The following SLC25A21 variants were observed in gnomAD, a reference collection of about 807,000 sequenced individuals.
SLC25A21 encodes the protein mitochondrial 2-oxodicarboxylate carrier.
A neutral mutation model predicts 43.8 loss-of-function variants in SLC25A21; 47 were observed. That is an observed-to-expected ratio of 1.07 (90% CI 0.85 to 1.37). The LOEUF (loss-of-function observed/expected upper bound fraction) is 1.37, where lower values mean the gene tolerates loss of function less well. Among genes scored for constraint, SLC25A21 ranks in the 40% most tolerant of loss-of-function variants. The pLI is 0.00. For missense variants in SLC25A21, 352 were observed against 350.2 expected (o/e 1.00, Z -0.04); for synonymous variants, 131 against 121.3 (o/e 1.08, Z -0.52).
chr14:36,990,159 G>T (rs1381584209), intron 1 of SLC25A21, among the ~76,000 whole-genome samples: 2 of 152,144 alleles, frequency 1.3e-5, no homozygotes, highest in Non-Finnish European at 2.9e-5. Context: ...AGTGGAATCT[G>T]CCACCTGAGA....
chr14:36,823,639 G>C (rs1018100565), intron 2 of SLC25A21, among the ~76,000 whole-genome samples: 1 of 152,120 alleles, frequency 6.6e-6, no homozygotes, highest in Non-Finnish European at 1.5e-5. Flanking sequence ...AATGAGAATA[G>C]AGAGGATCAC....
At chr14:37,145,476 C>CACACAGAG (rs780734735) in intron 1 of SLC25A21, among the ~76,000 whole-genome samples, 22,333 of 143,344 alleles carry the variant, frequency 0.16, 1,977 homozygotes, top group South Asian at 0.21. Flanking sequence ...CACACACACA[C>CACACAGAG]AGAGAGATGA....
intron 1 of SLC25A21, among the ~76,000 whole-genome samples, chr14:36,963,687 T>C (rs1959549477): frequency 6.6e-6 from 1 of 152,132 alleles, no homozygotes; most frequent in African/African-American, 2.4e-5. Flanking sequence ...AGTGCATCTA[T>C]CCTTACTTAG....
intron 1 of SLC25A21, among the ~76,000 whole-genome samples, chr14:37,153,766 C>T (rs74047222): frequency 0.012 from 1,872 of 152,296 alleles, 37 homozygotes; most frequent in African/African-American, 0.043. Context: ...ACAAGCCCCA[C>T]GAGCCTAGCT....
intron 1 of SLC25A21, among the ~76,000 whole-genome samples, chr14:37,098,740 G>A (rs1336423660): frequency 1.5e-4 from 1 of 6,754 alleles, no homozygotes; most frequent in African/African-American, 1.7e-4. Flanking sequence ...TAGATAGATA[G>A]ATAGATAGAC....
At chr14:37,013,171 A>T (rs931098349) in intron 1 of SLC25A21, among the ~76,000 whole-genome samples, 4 of 152,218 alleles carry the variant, frequency 2.6e-5, no homozygotes, top group African/African-American at 9.6e-5. Flanking sequence ...TGTGAAATAG[A>T]ACACCAGGCT....
intron 2 of SLC25A21, among the ~76,000 whole-genome samples, chr14:36,841,228 T>A (rs1278932834): frequency 6.6e-6 from 1 of 152,194 alleles, no homozygotes; most frequent in Non-Finnish European, 1.5e-5. Flanking sequence ...ATCTACCAAG[T>A]ATGTTCCAAC....
At chr14:36,933,724 C>T (rs1474431834) in intron 1 of SLC25A21, among the ~76,000 whole-genome samples, 1 of 152,120 alleles carries the variant, frequency 6.6e-6, no homozygotes, top group Non-Finnish European at 1.5e-5. Context: ...CCTCCTCCAG[C>T]CCCAGGATAG....
chr14:36,774,827 G>A (rs1167463298), intron 3 of SLC25A21, among the ~76,000 whole-genome samples: 3 of 152,066 alleles, frequency 2.0e-5, no homozygotes, highest in South Asian at 2.1e-4. Flanking sequence ...ATAAGGACTC[G>A]GATTTCTTAC....
chr14:36,769,813 C>A (rs369684471), intron 3 of SLC25A21, among the ~76,000 whole-genome samples: 3 of 152,178 alleles, frequency 2.0e-5, no homozygotes, highest in Non-Finnish European at 2.9e-5. Context: ...AATGTCATTT[C>A]TATTTTTACA....
intron 1 of SLC25A21, among the ~76,000 whole-genome samples, chr14:37,059,138 C>T (rs1961891446): frequency 6.6e-6 from 1 of 152,210 alleles, no homozygotes; most frequent in African/African-American, 2.4e-5. Context: ...ACACAAGTGC[C>T]TTCCACAAGA....
chr14:37,153,607 C>T (rs8014115), intron 1 of SLC25A21, among the ~76,000 whole-genome samples: 5,203 of 152,268 alleles, frequency 0.034, 296 homozygotes, highest in African/African-American at 0.12. Context: ...CGTGCATTCC[C>T]TACCCACTGG....
At chr14:37,130,530 G>A (rs866137410) in intron 1 of SLC25A21, among the ~76,000 whole-genome samples, 1 of 151,496 alleles carries the variant, frequency 6.6e-6, no homozygotes, top group South Asian at 2.1e-4. Flanking sequence ...ATAATGCTTA[G>A]AGCATAAATA....
intron 1 of SLC25A21, among the ~76,000 whole-genome samples, chr14:37,150,960 C>CATA (rs1216463121): frequency 1.1e-4 from 17 of 152,080 alleles, no homozygotes; most frequent in Admixed American, 1.1e-3. Flanking sequence ...TCTGATTTGG[C>CATA]ATACTTGATG....
intron 2 of SLC25A21, among the ~76,000 whole-genome samples, chr14:36,816,096 A>G (rs548409927): frequency 6.6e-6 from 1 of 152,302 alleles, no homozygotes; most frequent in South Asian, 2.1e-4. Flanking sequence ...AGTTGGGCAT[A>G]TGGGCAGAGT....
intron 7 of SLC25A21, among the ~76,000 whole-genome samples, chr14:36,709,579 A>G (rs1025466613): frequency 2.6e-5 from 4 of 152,226 alleles, no homozygotes; most frequent in African/African-American, 7.2e-5. Context: ...CCAAAAAAAC[A>G]TAAGCTTCTA....
intron 3 of SLC25A21, among the ~76,000 whole-genome samples, chr14:36,749,290 T>C (rs1265782487): frequency 6.6e-6 from 1 of 152,224 alleles, no homozygotes; most frequent in Non-Finnish European, 1.5e-5. Context: ...AAGTATTTTA[T>C]TTTTATCATC....
At chr14:36,813,748 TTA>T (rs541580408) in intron 3 of SLC25A21, among the ~76,000 whole-genome samples, 168 bp downstream of exon 3, 2 of 152,088 alleles carry the variant, frequency 1.3e-5, no homozygotes, top group Admixed American at 1.3e-4. Context: ...GTAGTTTCCA[TTA>T]TATATATATC....
chr14:36,805,899 T>G (rs1394056382), intron 3 of SLC25A21, among the ~76,000 whole-genome samples: 2 of 151,904 alleles, frequency 1.3e-5, no homozygotes, highest in African/African-American at 2.4e-5. Context: ...GGAAATGTAG[T>G]GAGAAGGGGA....
Sources: allele counts gnomAD v4.1 joint callset (sites outside exome capture counted in the v4.1 genomes callset), GRCh38; gene constraint gnomAD v4.1.1; transcripts MANE v1.5; gene names NCBI Gene and HGNC (gene_info 2026-07-23, HGNC 2026-07-21).